Variants in PGR observed in about 807,000 individuals in gnomAD.
PGR encodes progesterone receptor, also known as nuclear receptor subfamily 3 group C member 3.
Under a neutral mutation model 76.1 loss-of-function variants are expected in PGR, and 25 were observed. The observed-to-expected ratio is 0.33, with a 90% confidence interval of 0.24 to 0.46. The LOEUF is 0.46. Among genes scored for constraint, PGR ranks in the 20% least tolerant of loss-of-function variants. PGR has a pLI of 1.00. For missense variants in PGR, 1,172 were observed against 1,225.3 expected (o/e 0.96, Z 0.65); for synonymous variants, 579 against 535.0 (o/e 1.08, Z -1.14).
chr11:101,042,243 G>C, intron 6 of PGR, 141 bp from the exon 7 acceptor site: 1 of 738,578 alleles, frequency 1.4e-6, no homozygotes. Flanking sequence ...GAAAGAGATA[G>C]TGTTATTGAT....
At chr11:101,045,809 G>A (rs931291281) in intron 6 of PGR, among the ~76,000 whole-genome samples, 5 of 152,096 alleles carry the variant, frequency 3.3e-5, no homozygotes, top group African/African-American at 1.2e-4. Flanking sequence ...ATAAACAAGA[G>A]TGCAGGTGTC....
In PGR at chr11:101,036,959, GT is replaced by G; in HGVS notation, c.*2156del. On this transcript the variant is annotated 3_prime_UTR_variant, in exon 8 of 8. Transcript: ENST00000325455. The stretch of plus-strand genomic sequence containing the variant: ...TTAAGCATAAAGGGCTAATAATATT[GT>G]TTTTGTTTCTTGGGGTTTTTTTTGG... 1 of 202,242 alleles carries G rather than the reference GT, an allele frequency of 4.9e-6. No homozygotes were observed. The highest frequency in any genetic ancestry group is 1.0e-5 in the Non-Finnish European group (1 of 98,344). The allele number at this position is 202,242 out of a possible 1,614,324, so 12.5% of individuals were successfully genotyped here. A position where few individuals can be genotyped will look rare whatever the true frequency, so the allele number is the denominator to read the frequency against.
intron 2 of PGR, among the ~76,000 whole-genome samples, chr11:101,120,575 T>C (rs192734441): frequency 9.8e-5 from 15 of 152,298 alleles, no homozygotes; most frequent in Admixed American, 2.6e-4. Context: ...ATATGAACAA[T>C]AGAGCTTCAA....
chr11:101,076,199 A>G (rs1861123312), intron 3 of PGR, among the ~76,000 whole-genome samples: 2 of 152,038 alleles, frequency 1.3e-5, no homozygotes, highest in South Asian at 2.1e-4. Flanking sequence ...ACCATCATTC[A>G]GAGCAAACTA....
At position 101,129,723 on chromosome 11, in the gene PGR, C is replaced by G. The variant is rs1863038093; in HGVS notation, c.-653G>C. ...GCCGCCTCGGGTTGTAGATTTCACT[C>G]AAATGACAAGTGAAGCTAGTTCTCA... On this transcript the variant is annotated 5_prime_UTR_variant, in exon 1 of 8. Coordinates refer to ENST00000325455, the MANE Select transcript of PGR (RefSeq NM_000926.4). 1 of 180,834 alleles carries G rather than the reference C, an allele frequency of 5.5e-6. No homozygotes were observed. Among genetic ancestry groups the G allele is most frequent in the Non-Finnish European group, 1.2e-5 (1 of 84,632 alleles). 11.2% of individuals were successfully genotyped at this position (180,834 alleles called of 1,614,324 possible).
In PGR at chr11:101,044,700, C is replaced by CTT. The variant is rs34361620; in HGVS notation, c.2489-2600_2489-2599dup. Among the ~76,000 whole-genome samples, 212 of 75,874 alleles carry CTT rather than the reference C, an allele frequency of 2.8e-3. 6 individuals carry two copies. The highest frequency in any genetic ancestry group is 7.9e-3 in the African/African-American group (168 of 21,394). 49.8% of individuals were successfully genotyped at this position (75,874 alleles called of 152,430 possible). ...CCAAGATTGTTAGTTGGCCTAATTG[C>CTT]TTTTTTTTTTTTTTTTTTTTTTTTG... On this transcript the variant is annotated intron_variant, in intron 6 of 7. Coordinates refer to ENST00000325455, the MANE Select transcript of PGR (RefSeq NM_000926.4).
chr11:101,114,644 T>TAAAATGATC (rs1238484853), intron 2 of PGR, among the ~76,000 whole-genome samples: 1 of 152,052 alleles, frequency 6.6e-6, no homozygotes, highest in Non-Finnish European at 1.5e-5. Flanking sequence ...CTTTACTGAG[T>TAAAATGATC]AAAATGATCA....
chr11:101,123,344 G>A (rs2135505786), intron 2 of PGR, among the ~76,000 whole-genome samples: 1 of 152,010 alleles, frequency 6.6e-6, no homozygotes, highest in South Asian at 2.1e-4. Context: ...GGCCATATTG[G>A]CATCCACACA....
intron 7 of PGR, among the ~76,000 whole-genome samples, chr11:101,041,229 C>T (rs11571259): frequency 1.3e-5 from 2 of 151,650 alleles, no homozygotes; most frequent in African/African-American, 2.4e-5. Flanking sequence ...GCTGTCTGTT[C>T]GTATTCAGGA....
chr11:101,084,058 G>A (rs1861408940), intron 3 of PGR, among the ~76,000 whole-genome samples: 2 of 152,140 alleles, frequency 1.3e-5, no homozygotes, highest in Non-Finnish European at 2.9e-5. Flanking sequence ...GGAGGTTATT[G>A]GATCATGGAG....
At chr11:101,043,452 A>C (rs1859761808) in intron 6 of PGR, among the ~76,000 whole-genome samples, 1 of 152,192 alleles carries the variant, frequency 6.6e-6, no homozygotes, top group South Asian at 2.1e-4. Context: ...GTCATGCAAG[A>C]GGGATGAAAT....
At chr11:101,099,602 T>C (rs772246171) in intron 2 of PGR, among the ~76,000 whole-genome samples, 1 of 152,212 alleles carries the variant, frequency 6.6e-6, no homozygotes, top group African/African-American at 2.4e-5. Context: ...GAGAGTATTG[T>C]GATCCAACAG....
chr11:101,086,864 T>C (rs1399633282), intron 3 of PGR, among the ~76,000 whole-genome samples: 1 of 151,708 alleles, frequency 6.6e-6, no homozygotes, highest in East Asian at 2.0e-4. Context: ...AATACCTAGG[T>C]ATACATATAA....
intron 2 of PGR, among the ~76,000 whole-genome samples, chr11:101,094,318 ATT>A (rs1018493952): frequency 2.6e-5 from 4 of 152,118 alleles, no homozygotes; most frequent in African/African-American, 9.7e-5. Flanking sequence ...ATCATCAAAT[ATT>A]TTTTCATTCC....
At position 101,128,139 on chromosome 11, in the gene PGR, A is replaced by G; in HGVS notation, c.932T>C (p.Leu311Pro). The change falls in exon 1 of 8, where the codon CTC becomes CCC. Residue 311 changes from leucine to proline, a missense_variant. By Grantham distance (98) the Leu-to-Pro change is moderately conservative. Around this residue, in one of 4 missense-constraint regions of PGR, gnomAD observed 893 missense variants for 785.9 expected, o/e 1.14. Transcript: ENST00000325455. ...MDFIHVPILP[L>P]NHALLAARTR... ...GCGGGCTGCCAATAAGGCGTGATTG[A>G]GAGGCAGGATAGGCACGTGGATGAA... 6.3e-7 allele frequency: 1 copy of G among 1,598,450 alleles called. No individual in the cohort carries two copies. Among genetic ancestry groups the G allele is most frequent in the East Asian group, 2.2e-5 (1 of 44,784 alleles).
intron 2 of PGR, among the ~76,000 whole-genome samples, chr11:101,113,626 C>G (rs965083953): frequency 6.6e-6 from 1 of 152,210 alleles, no homozygotes; most frequent in South Asian, 2.1e-4. Context: ...GAAAGGTCAG[C>G]AATCTGAAAT....
intron 4 of PGR, among the ~76,000 whole-genome samples, chr11:101,057,660 G>GTA (rs1361297878): frequency 6.6e-6 from 1 of 152,122 alleles, no homozygotes; most frequent in Admixed American, 6.5e-5. Flanking sequence ...AGCAACAGAA[G>GTA]TAGCATGTAT....
At chr11:101,099,697 C>T (rs1187442220) in intron 2 of PGR, among the ~76,000 whole-genome samples, 1 of 152,164 alleles carries the variant, frequency 6.6e-6, no homozygotes, top group Non-Finnish European at 1.5e-5. Context: ...TACTGCATTA[C>T]AGCATTACAG....
At chr11:101,100,852 C>G (rs1459571953) in intron 2 of PGR, among the ~76,000 whole-genome samples, 4 of 152,118 alleles carry the variant, frequency 2.6e-5, no homozygotes, top group African/African-American at 4.8e-5. Flanking sequence ...ACATCCCCCC[C>G]TGCAACAATT....
Sources: gnomAD v4.1 joint callset for allele counts (sites outside exome capture counted in the v4.1 genomes callset) on GRCh38, gnomAD v4.1.1 for gene constraint, gnomAD v4.1.1 regional missense constraint, MANE v1.5 for transcripts, NCBI Gene and HGNC (gene_info 2026-07-23, HGNC 2026-07-21) for gene names.